Variants in ZNF608 observed in about 807,000 individuals in gnomAD.
ZNF608 encodes the protein renal carcinoma antigen NY-REN-36.
ZNF608 carries 12 observed loss-of-function variants against 109.0 expected under a neutral mutation model. That is an observed-to-expected ratio of 0.11 (90% CI 0.07 to 0.18). The LOEUF (loss-of-function observed/expected upper bound fraction) is 0.18, where lower values mean the gene tolerates loss of function less well. Ranked by LOEUF, ZNF608 falls within the 10% of genes least tolerant of loss-of-function variation. The probability of loss-of-function intolerance (pLI) is 1.00; values close to 1 mark genes in which losing one functional copy is unlikely to be tolerated. For synonymous variants in ZNF608, 732 were observed against 717.4 expected, an observed-to-expected ratio of 1.02 and a Z score of -0.33; for missense variants, 1,707 against 1,879.3, an observed-to-expected ratio of 0.91 and a Z score of 1.70.
intron 2 of ZNF608, among the ~76,000 whole-genome samples, chr5:124,722,109 G>A (rs1040231199): frequency 4.6e-5 from 7 of 151,966 alleles, no homozygotes; most frequent in Non-Finnish European, 7.4e-5. Flanking sequence ...AAGGCCACAT[G>A]TGGCCAACAT....
chr5:124,682,558 T>G (rs1032165259), intron 3 of ZNF608, among the ~76,000 whole-genome samples: 2 of 152,188 alleles, frequency 1.3e-5, no homozygotes, highest in African/African-American at 4.8e-5. Flanking sequence ...TCAGTCCAGA[T>G]TGGAGAAGGT....
At chr5:124,747,279 C>T (rs919798766), upstream of ZNF608, among the ~76,000 whole-genome samples, 8 of 151,688 alleles carry the variant, frequency 5.3e-5, no homozygotes, top group Middle Eastern at 6.8e-3. Flanking sequence ...CTTCGCCCAG[C>T]CCCTCCTGTG....
At chr5:124,700,677 A>T (rs1753016918) in intron 3 of ZNF608, among the ~76,000 whole-genome samples, 1 of 152,230 alleles carries the variant, frequency 6.6e-6, no homozygotes, top group Admixed American at 6.5e-5. Flanking sequence ...TTGGCACCCT[A>T]AGAATTAAAT....
At chr5:124,682,961 T>C (rs917581307) in intron 3 of ZNF608, among the ~76,000 whole-genome samples, 2 of 152,192 alleles carry the variant, frequency 1.3e-5, no homozygotes, top group African/African-American at 4.8e-5. Flanking sequence ...TAATGAGCTA[T>C]CATTTCTAAC....
At chr5:124,712,547 G>C (rs530892146) in intron 2 of ZNF608, among the ~76,000 whole-genome samples, 1 of 152,250 alleles carries the variant, frequency 6.6e-6, no homozygotes, top group African/African-American at 2.4e-5. Flanking sequence ...TGGCTGGAGA[G>C]GGACTGGCAA....
Position 124,738,842 on chromosome 5 carries a change from G to A in ZNF608, c.906+5242C>T, listed in dbSNP as rs185433322. Among the ~76,000 whole-genome samples the A allele has an allele frequency of 4.0e-5, 6 of 150,124 alleles. No individual in the cohort carries two copies. In the East Asian group the frequency reaches 5.8e-4, roughly 15 times the overall value. ...TCTCAACTGATAAAAACAATTCAAC[G>A]TGCAGCTCTCCCACACGTCATTACC... On this transcript the variant is annotated intron_variant, in intron 2 of 9. Coordinates refer to ENST00000513986, the MANE Select transcript of ZNF608 (RefSeq NM_020747.3).
At chr5:124,643,463 T>A in intron 7 of ZNF608, 48 bp downstream of exon 7, 1 of 1,580,688 alleles carries the variant, frequency 6.3e-7, no homozygotes, top group Non-Finnish European at 8.7e-7. Context: ...TTGTTCCCCT[T>A]TCTCCCCAAA....
At chr5:124,638,252 CA>C (rs1750070721) in intron 9 of ZNF608, among the ~76,000 whole-genome samples, 2 of 126,772 alleles carry the variant, frequency 1.6e-5, no homozygotes, top group Admixed American at 1.8e-4. Context: ...ACCCGGCCAA[CA>C]GTTTTTTTTT....
intron 2 of ZNF608, among the ~76,000 whole-genome samples, chr5:124,705,893 A>T (rs1168331224): frequency 6.6e-6 from 1 of 152,050 alleles, no homozygotes; most frequent in Non-Finnish European, 1.5e-5. Context: ...AGCTCACCTC[A>T]ACTCTTATCA....
intron 3 of ZNF608, among the ~76,000 whole-genome samples, chr5:124,670,401 A>G (rs1435677117): frequency 1.3e-5 from 2 of 151,906 alleles, no homozygotes; most frequent in South Asian, 2.1e-4. Context: ...CTAAAATATG[A>G]ACGTCTTGAT....
At chr5:124,640,672 A>T (rs1750198604) in intron 8 of ZNF608, among the ~76,000 whole-genome samples, 1 of 152,246 alleles carries the variant, frequency 6.6e-6, no homozygotes, top group African/African-American at 2.4e-5. Flanking sequence ...TACATGCTCA[A>T]CTAATGAACT....
At chr5:124,639,448 C>T (rs1006012365) in intron 8 of ZNF608, among the ~76,000 whole-genome samples, 42 of 152,222 alleles carry the variant, frequency 2.8e-4, no homozygotes, top group African/African-American at 1.0e-3. Flanking sequence ...ATACAGCATT[C>T]CATCTCTCCG....
At chr5:124,702,267 T>C (rs1753083660) in intron 2 of ZNF608, among the ~76,000 whole-genome samples, 1 of 152,178 alleles carries the variant, frequency 6.6e-6, no homozygotes. Context: ...ACAAAGCCCA[T>C]TTGTACCAAG....
intron 5 of ZNF608, among the ~76,000 whole-genome samples, chr5:124,646,217 C>T (rs1168391349): frequency 1.3e-5 from 2 of 152,042 alleles, no homozygotes; most frequent in East Asian, 1.9e-4. Flanking sequence ...AAAAATTAGC[C>T]GGGCATGGTG....
chr5:124,731,383 G>A (rs897054690), intron 2 of ZNF608, among the ~76,000 whole-genome samples: 1 of 152,032 alleles, frequency 6.6e-6, no homozygotes. Context: ...GCTAATTTTT[G>A]TATTCTTTTA....
rs531438585 is a variant in ZNF608 at position 124,641,114 on chromosome 5, T to C, written c.4450+138A>G. On this transcript the variant is annotated intron_variant, in intron 8 of 9. Transcript: ENST00000513986. The stretch of plus-strand genomic sequence containing the variant: ...GTGGGAATAGCCTTAGCTGTGTCAC[T>C]AGAAAATAAGTGTTAAAAACCCTCC... 2.9e-6 allele frequency: 3 copies of C among 1,050,718 alleles called. No homozygotes were observed. In the South Asian group the frequency reaches 4.2e-5, roughly 15 times the overall value. The allele number at this position is 1,050,718 out of a possible 1,614,324, so 65.1% of individuals were successfully genotyped here.
intron 3 of ZNF608, among the ~76,000 whole-genome samples, chr5:124,677,589 A>G (rs924890027): frequency 3.9e-5 from 6 of 152,190 alleles, no homozygotes; most frequent in Non-Finnish European, 8.8e-5. Flanking sequence ...GCAAATCAAA[A>G]TTCATAGAAC....
At chr5:124,704,004 T>C (rs1402790025) in intron 2 of ZNF608, among the ~76,000 whole-genome samples, 1 of 152,180 alleles carries the variant, frequency 6.6e-6, no homozygotes, top group Admixed American at 6.5e-5. Flanking sequence ...CAGAGTACTC[T>C]GGGCCTACTT....
chr5:124,700,131 CTG>C (rs1400451871), intron 3 of ZNF608, among the ~76,000 whole-genome samples: 1 of 152,198 alleles, frequency 6.6e-6, no homozygotes, highest in Non-Finnish European at 1.5e-5. Flanking sequence ...CTGGTCCACT[CTG>C]AAGCACCCTG....
Sources: gnomAD v4.1 joint callset for allele counts (sites outside exome capture counted in the v4.1 genomes callset) on GRCh38, gnomAD v4.1.1 for gene constraint, MANE v1.5 for transcripts, NCBI Gene and HGNC (gene_info 2026-07-23, HGNC 2026-07-21) for gene names.